Variants in TMT1B observed in about 807,000 individuals in gnomAD.
TMT1B encodes thiol methyltransferase 1B.
chr12:55,683,859 G>A, the TMT1B span: 19 of 1,613,990 alleles, frequency 1.2e-5, no homozygotes, highest in African/African-American at 2.3e-4. Context: ...CCATATGGAA[G>A]CTGGGCCTTC....
At chr12:55,684,136 G>A in the TMT1B span, 4 of 1,227,478 alleles carry the variant, frequency 3.3e-6, no homozygotes, top group Admixed American at 3.6e-5. Context: ...ATCTTCCACT[G>A]AGAGGGACCT....
the TMT1B span, among the ~76,000 whole-genome samples, chr12:55,683,099 G>A: frequency 6.6e-6 from 1 of 152,204 alleles, no homozygotes; most frequent in Non-Finnish European, 1.5e-5. Context: ...CTTCAGTCAA[G>A]AGTTGGGCCT....
At chr12:55,681,848 T>C in the TMT1B span, 2 of 1,580,474 alleles carry the variant, frequency 1.3e-6, no homozygotes, top group Non-Finnish European at 1.7e-6. Flanking sequence ...GCAGCCCCTG[T>C]GCAAAAGCTA....
At chr12:55,684,214 ATC>A in the TMT1B span, 1 of 652,864 alleles carries the variant, frequency 1.5e-6, no homozygotes. Context: ...TGCCAGGGCA[ATC>A]TCTAACTTCA....
At chr12:55,681,763 C>T in the TMT1B span, 1 of 1,549,928 alleles carries the variant, frequency 6.5e-7, no homozygotes, top group Non-Finnish European at 8.7e-7. Flanking sequence ...CCATGGACAT[C>T]CTGGTCCCAC....
At chr12:55,683,742 G>A in the TMT1B span, 3 of 1,462,800 alleles carry the variant, frequency 2.1e-6, no homozygotes, top group East Asian at 4.6e-5. Context: ...AAGTTTGACT[G>A]TCTTGATCAG....
chr12:55,682,607 C>CAAAAAAAAAAA, the TMT1B span, among the ~76,000 whole-genome samples: 1 of 104,178 alleles, frequency 9.6e-6, no homozygotes. Flanking sequence ...GCCGTCTCTA[C>CAAAAAAAAAAA]AAAAAAAAAA....
the TMT1B span, chr12:55,684,490 A>G: frequency 5.9e-6 from 1 of 170,886 alleles, no homozygotes. Flanking sequence ...CCCCACTACC[A>G]CCTTCTTCCT....
At chr12:55,684,597 G>C in the TMT1B span, 1 of 172,074 alleles carries the variant, frequency 5.8e-6, no homozygotes, top group Non-Finnish European at 1.2e-5. Flanking sequence ...TTAATAAATA[G>C]ACGAAACCAC....
chr12:55,682,403 C>G, the TMT1B span: 318 of 765,966 alleles, frequency 4.2e-4, no homozygotes, highest in Admixed American at 7.8e-4. Context: ...GGAGACATGA[C>G]CAGTGCCATG....
chr12:55,682,222 C>G, the TMT1B span: 3,025 of 1,613,746 alleles, frequency 1.9e-3, 72 homozygotes, highest in African/African-American at 0.035. Context: ...CAAGGAAGGT[C>G]CTGCAGGAGG....
the TMT1B span, chr12:55,681,796 T>C: frequency 1.3e-6 from 2 of 1,552,748 alleles, no homozygotes; most frequent in East Asian, 4.9e-5. Flanking sequence ...TGGTGCTGCT[T>C]CTTACCCTGC....
the TMT1B span, among the ~76,000 whole-genome samples, chr12:55,682,482 T>C: frequency 0.45 from 68,016 of 149,728 alleles, 17,819 homozygotes; most frequent in African/African-American, 0.74. Context: ...GGGAGGGGAG[T>C]GGGGAGGACA....
the TMT1B span, chr12:55,683,756 G>C: frequency 6.5e-7 from 1 of 1,540,734 alleles, no homozygotes; most frequent in Non-Finnish European, 9.0e-7. Flanking sequence ...TGATCAGCGC[G>C]ATAGGGAGCA....
the TMT1B span, chr12:55,684,363 C>T: frequency 3.0e-5 from 10 of 329,324 alleles, no homozygotes; most frequent in African/African-American, 1.5e-4. Context: ...CCCTTTCCTT[C>T]GTTCCCATGG....
At chr12:55,682,970 T>C in the TMT1B span, among the ~76,000 whole-genome samples, 1 of 152,036 alleles carries the variant, frequency 6.6e-6, no homozygotes, top group Non-Finnish European at 1.5e-5. Flanking sequence ...CATGAGCAAC[T>C]GAGGGGAGAG....
At chr12:55,682,097 A>G in the TMT1B span, 6 of 1,614,196 alleles carry the variant, frequency 3.7e-6, no homozygotes, top group Admixed American at 3.3e-5. Context: ...GGCTGAGAAC[A>G]GGCACCTCCA....
the TMT1B span, chr12:55,684,007 GCTAC>G: frequency 6.2e-7 from 1 of 1,613,748 alleles, no homozygotes; most frequent in Non-Finnish European, 8.5e-7. Flanking sequence ...CCTTGAAGTG[GCTAC>G]CTGTTGGGCC....
the TMT1B span, among the ~76,000 whole-genome samples, chr12:55,683,206 A>G: frequency 2.0e-5 from 3 of 152,316 alleles, no homozygotes; most frequent in African/African-American, 7.2e-5. Flanking sequence ...TCAGAATACA[A>G]TAAGCCCAGC....
Sources: gnomAD v4.1 joint callset for allele counts (sites outside exome capture counted in the v4.1 genomes callset) on GRCh38, gnomAD v4.1.1 for gene constraint, MANE v1.5 for transcripts, NCBI Gene and HGNC (gene_info 2026-07-23, HGNC 2026-07-21) for gene names.